PRKCB: variants seen among roughly 807,000 people sequenced by gnomAD.
PRKCB encodes the protein protein kinase C beta.
A neutral mutation model predicts 81.5 loss-of-function variants in PRKCB; 13 were observed. The observed-to-expected ratio is 0.16, with a 90% CI of 0.10 to 0.25. The LOEUF is 0.25. Among genes scored for constraint, PRKCB ranks in the 10% least tolerant of loss-of-function variants. The pLI, the probability that PRKCB is intolerant of heterozygous loss-of-function variation, is 1.00. For missense variants in PRKCB, 509 were observed against 875.7 expected (o/e 0.58, Z 5.29); for synonymous variants, 335 against 321.4 (o/e 1.04, Z -0.45).
At chr16:24,181,415 T>G (rs1285367351) in intron 13 of PRKCB, among the ~76,000 whole-genome samples, 2 of 152,010 alleles carry the variant, frequency 1.3e-5, no homozygotes, top group African/African-American at 4.8e-5. Flanking sequence ...TAGATATATA[T>G]GTAGATGTGA....
intron 2 of PRKCB, among the ~76,000 whole-genome samples, chr16:23,857,321 G>T (rs1411235411): frequency 6.6e-6 from 1 of 152,160 alleles, no homozygotes; most frequent in Non-Finnish European, 1.5e-5. Flanking sequence ...GGATAATGTG[G>T]GTTGAGAAAG....
chr16:24,067,538 G>A (rs750858788), intron 5 of PRKCB, among the ~76,000 whole-genome samples: 8 of 152,134 alleles, frequency 5.3e-5, no homozygotes, highest in Non-Finnish European at 7.4e-5. Context: ...AGCTCAAGCC[G>A]TCTGCCCATG....
chr16:24,058,520 G>A (rs142155659), intron 5 of PRKCB, among the ~76,000 whole-genome samples: 2 of 152,166 alleles, frequency 1.3e-5, no homozygotes, highest in East Asian at 3.9e-4. Flanking sequence ...GCCCTGTGAA[G>A]GTGCCTTAGG....
At chr16:23,841,351 A>G (rs1471890203) in intron 2 of PRKCB, among the ~76,000 whole-genome samples, 1 of 152,086 alleles carries the variant, frequency 6.6e-6, no homozygotes, top group Non-Finnish European at 1.5e-5. Context: ...AAGTGTTCAG[A>G]TTACAGGCAT....
intron 5 of PRKCB, among the ~76,000 whole-genome samples, chr16:24,068,492 A>AAC (rs377191141): frequency 7.7e-6 from 1 of 130,470 alleles, no homozygotes; most frequent in African/African-American, 3.2e-5. Flanking sequence ...AAAAAAAAAA[A>AAC]CCACACACAG....
At chr16:24,063,081 C>T (rs1480972124) in intron 5 of PRKCB, among the ~76,000 whole-genome samples, 3 of 152,060 alleles carry the variant, frequency 2.0e-5, no homozygotes, top group African/African-American at 7.2e-5. Context: ...TCTGTGTCTC[C>T]AGATTTCACT....
intron 3 of PRKCB, among the ~76,000 whole-genome samples, chr16:24,021,293 C>T (rs1470818514): frequency 4.9e-4 from 9 of 18,376 alleles, no homozygotes; most frequent in Admixed American, 8.1e-4. Context: ...CCCTCTCCCT[C>T]CCTTCCTTCC....
intron 2 of PRKCB, among the ~76,000 whole-genome samples, chr16:23,981,667 TTTCTCTTCCCCTTCCCCTTCCCTTCCCC>T (rs1964707482): frequency 8.7e-6 from 1 of 114,516 alleles, no homozygotes; most frequent in Admixed American, 8.7e-5. Flanking sequence ...CTTTTTTCCC[TTTCTCTTCCCCTTCCCCTTCCCTTCCCC>T]TTCCCTTCCC....
chr16:23,965,027 CA>C (rs1269622804), intron 2 of PRKCB, among the ~76,000 whole-genome samples: 2 of 152,152 alleles, frequency 1.3e-5, no homozygotes, highest in East Asian at 1.9e-4. Context: ...GTTTCAGGTT[CA>C]GGGGGTACAT....
At chr16:24,163,732 T>A (rs1358386779) in intron 10 of PRKCB, among the ~76,000 whole-genome samples, 1 of 152,208 alleles carries the variant, frequency 6.6e-6, no homozygotes, top group Non-Finnish European at 1.5e-5. Flanking sequence ...CTTACTTGGG[T>A]AAGGCTTTTT....
chr16:24,122,795 C>A (rs1042203084), intron 8 of PRKCB, among the ~76,000 whole-genome samples: 1 of 152,150 alleles, frequency 6.6e-6, no homozygotes, highest in African/African-American at 2.4e-5. Flanking sequence ...TTTCTCTCTG[C>A]TAAACGTGAA....
Position 24,219,537 on chromosome 16 carries a change from G to T in PRKCB, c.*4721G>T. On this transcript the variant is annotated 3_prime_UTR_variant, in exon 17 of 17. Coordinates refer to ENST00000643927, the MANE Select transcript of PRKCB (RefSeq NM_002738.7). ...AGAGAAAGAGGTCTTCTAGCCACCT[G>T]GGCTGCTACTGAATGGTTTTCTCCA... The T allele has an allele frequency of 2.0e-6, 2 of 988,864 alleles. No individual in the cohort carries two copies. Among genetic ancestry groups the T allele is most frequent in the Non-Finnish European group, 2.4e-6 (2 of 832,298 alleles). 61.3% of individuals were successfully genotyped at this position (988,864 alleles called of 1,614,324 possible).
At chr16:23,863,161 T>G (rs115725385) in intron 2 of PRKCB, among the ~76,000 whole-genome samples, 2,595 of 146,756 alleles carry the variant, frequency 0.018, 74 homozygotes, top group African/African-American at 0.059. Flanking sequence ...TATATACACA[T>G]GCATATATAT....
intron 3 of PRKCB, among the ~76,000 whole-genome samples, chr16:23,997,678 G>T (rs1449085292): frequency 6.6e-6 from 1 of 152,148 alleles, no homozygotes; most frequent in Admixed American, 6.5e-5. Flanking sequence ...CTTTATATCA[G>T]TATTTTTATG....
At chr16:24,059,915 C>T (rs1388483107) in intron 5 of PRKCB, among the ~76,000 whole-genome samples, 1 of 151,938 alleles carries the variant, frequency 6.6e-6, no homozygotes, top group African/African-American at 2.4e-5. Flanking sequence ...AGTTAAGAGG[C>T]AGGATGCCGG....
chr16:24,192,438 G>A (rs1967808390), intron 16 of PRKCB, among the ~76,000 whole-genome samples: 1 of 152,168 alleles, frequency 6.6e-6, no homozygotes, highest in Non-Finnish European at 1.5e-5. Flanking sequence ...CAGCTTTTAT[G>A]GGACCATTTG....
intron 2 of PRKCB, among the ~76,000 whole-genome samples, chr16:23,940,999 G>A (rs1167610599): frequency 6.6e-6 from 1 of 152,096 alleles, no homozygotes; most frequent in African/African-American, 2.4e-5. Context: ...TCAATTTTTG[G>A]TATTAAGTTT....
chr16:24,021,036 CTT>C (rs1421407329), intron 3 of PRKCB, among the ~76,000 whole-genome samples: 2 of 138,680 alleles, frequency 1.4e-5, no homozygotes, highest in Admixed American at 7.3e-5. Context: ...TTCTTTCTTT[CTT>C]TCTCTTTCTT....
chr16:24,167,567 A>C (rs1470700152), intron 10 of PRKCB, among the ~76,000 whole-genome samples: 2 of 152,062 alleles, frequency 1.3e-5, no homozygotes, highest in Non-Finnish European at 2.9e-5. Flanking sequence ...CACAGAAAAA[A>C]AAAAACAAAA....
Sources: allele counts gnomAD v4.1 joint callset (sites outside exome capture counted in the v4.1 genomes callset), GRCh38; gene constraint gnomAD v4.1.1; transcripts MANE v1.5; gene names NCBI Gene and HGNC (gene_info 2026-07-23, HGNC 2026-07-21).